Variants in TMEM154 observed in about 807,000 individuals in gnomAD.
The protein encoded by TMEM154 is transmembrane protein 154.
A neutral mutation model predicts 24.5 loss-of-function variants in TMEM154; 27 were observed. That is an observed-to-expected ratio of 1.10 (90% CI 0.81 to 1.52). The LOEUF is 1.52. Among genes scored for constraint, TMEM154 ranks in the 40% most tolerant of loss-of-function variants. The pLI is 0.00. For synonymous variants in TMEM154, 67 were observed against 76.8 expected (o/e 0.87, Z 0.67); for missense variants, 228 against 213.4 (o/e 1.07, Z -0.43).
intron 3 of TMEM154, among the ~76,000 whole-genome samples, chr4:152,644,948 C>T (rs1052885497): frequency 6.6e-6 from 1 of 152,196 alleles, no homozygotes; most frequent in Non-Finnish European, 1.5e-5. Context: ...CTTGGCATGG[C>T]TGGATCCCTC....
intron 3 of TMEM154, chr4:152,646,885 T>G (rs758759490): frequency 1.4e-6 from 1 of 698,554 alleles, no homozygotes; most frequent in Non-Finnish European, 2.6e-6. Context: ...CCAGGCATCA[T>G]GTAGCCACAG....
intron 6 of TMEM154, among the ~76,000 whole-genome samples, chr4:152,629,059 C>T (rs190650524): frequency 2.2e-4 from 33 of 152,254 alleles, no homozygotes; most frequent in Admixed American, 6.5e-4. Context: ...ATTTCTGAAA[C>T]GAAGGTCAGT....
chr4:152,678,621 G>A (rs2149792826), intron 1 of TMEM154, among the ~76,000 whole-genome samples: 1 of 152,268 alleles, frequency 6.6e-6, no homozygotes, highest in East Asian at 1.9e-4. Flanking sequence ...GCAAGACCCA[G>A]ACATCTCCCT....
At chr4:152,640,280 C>T (rs1034882367) in intron 6 of TMEM154, among the ~76,000 whole-genome samples, 1 of 152,178 alleles carries the variant, frequency 6.6e-6, no homozygotes, top group Non-Finnish European at 1.5e-5. Flanking sequence ...CTCTGCAGAG[C>T]CAGTCCCCAA....
rs1464320112 is a variant in TMEM154, at chr4:152,622,677, A to G, written c.*5869T>C. The stretch of plus-strand genomic sequence containing the variant: ...GGAGTTGAGAATAATTTATATATAC[A>G]TATGTATACTGACATTTATAAAATT... On this transcript the variant is annotated 3_prime_UTR_variant, in exon 7 of 7. Coordinates refer to ENST00000304385, the MANE Select transcript of TMEM154 (RefSeq NM_152680.3). 1 of 152,178 alleles carries G rather than the reference A, an allele frequency of 6.6e-6. No individual in the cohort carries two copies. Among genetic ancestry groups the G allele is most frequent in the Non-Finnish European group, 1.5e-5 (1 of 68,028 alleles). 9.4% of individuals were successfully genotyped at this position (152,178 alleles called of 1,614,324 possible).
chr4:152,654,763 C>A (rs1295298557), intron 1 of TMEM154, among the ~76,000 whole-genome samples: 3 of 152,208 alleles, frequency 2.0e-5, no homozygotes, highest in African/African-American at 7.2e-5. Context: ...CACCTTTGAT[C>A]TTGAACTTCC....
chr4:152,655,610 C>T (rs1294040669), intron 1 of TMEM154, among the ~76,000 whole-genome samples: 1 of 151,958 alleles, frequency 6.6e-6, no homozygotes, highest in Non-Finnish European at 1.5e-5. Context: ...AGGTAGGAGC[C>T]GCTGGCAGCA....
At position 152,640,982 on chromosome 4, in the gene TMEM154, T is replaced by A; in HGVS notation, c.482A>T (p.Asp161Val). Residue 161 changes from aspartate to valine, a missense_variant, in exon 6 of 7, where the codon GAC (aspartate) becomes GTC (valine). Transcript: ENST00000304385. ...KWMNSMNRNADFECLPTLKEE... is the reference protein window; with the variant it reads ...KWMNSMNRNAVFECLPTLKEE... The stretch of plus-strand genomic sequence containing the variant: ...CTTCAAGGTAGGTAAACATTCAAAG[T>A]CGGCTAGGACAGAATAAAAGCAAAC... The A allele has an allele frequency of 4.3e-6, 7 of 1,610,740 alleles. No homozygotes were observed. Among genetic ancestry groups the A allele is most frequent in the Non-Finnish European group, 5.9e-6 (7 of 1,178,776 alleles).
intron 6 of TMEM154, 51 bp downstream of exon 6, chr4:152,640,877 C>A (rs2149780339): frequency 6.6e-5 from 57 of 859,924 alleles, no homozygotes; most frequent in Non-Finnish European, 9.0e-5. Context: ...GGTTCCCAAT[C>A]CCCCCGCCCC....
intron 1 of TMEM154, among the ~76,000 whole-genome samples, chr4:152,660,047 G>A (rs945492436): frequency 2.6e-5 from 4 of 152,128 alleles, no homozygotes; most frequent in Non-Finnish European, 5.9e-5. Flanking sequence ...GTGGATAAGG[G>A]GGGACTACTG....
chr4:152,670,134 G>A (rs1728796666), intron 1 of TMEM154: 1 of 152,128 alleles, frequency 6.6e-6, no homozygotes, highest in Non-Finnish European at 1.5e-5. Flanking sequence ...GCCACTTATT[G>A]TGTATTTTTC....
At chr4:152,643,407 C>T (rs528966665) in intron 4 of TMEM154, among the ~76,000 whole-genome samples, 1 of 152,314 alleles carries the variant, frequency 6.6e-6, no homozygotes, top group Non-Finnish European at 1.5e-5. Context: ...TGCCCACAGG[C>T]CCAACAAGTG....
chr4:152,661,505 T>C (rs1728612226), intron 1 of TMEM154, among the ~76,000 whole-genome samples: 1 of 152,198 alleles, frequency 6.6e-6, no homozygotes, highest in Non-Finnish European at 1.5e-5. Flanking sequence ...CTTGAATGTC[T>C]TGCCCTTGCC....
intron 1 of TMEM154, among the ~76,000 whole-genome samples, chr4:152,677,486 C>T (rs1393529186): frequency 6.6e-6 from 1 of 152,220 alleles, no homozygotes; most frequent in African/African-American, 2.4e-5. Flanking sequence ...GAAAGTAACT[C>T]ATATCCTGAA....
At chr4:152,666,116 T>C (rs1303934697) in intron 1 of TMEM154, among the ~76,000 whole-genome samples, 1 of 151,442 alleles carries the variant, frequency 6.6e-6, no homozygotes, top group African/African-American at 2.4e-5. Context: ...AGTAATCAGG[T>C]TGTGCTGATG....
intron 3 of TMEM154, among the ~76,000 whole-genome samples, chr4:152,650,645 C>T (rs1728359904): frequency 6.6e-6 from 1 of 152,180 alleles, no homozygotes; most frequent in South Asian, 2.1e-4. Flanking sequence ...TTAATGGCAT[C>T]TAGAATGGTG....
At chr4:152,669,802 G>GA (rs529457038) in intron 1 of TMEM154, 4 of 152,150 alleles carry the variant, frequency 2.6e-5, no homozygotes, top group Admixed American at 6.6e-5. Flanking sequence ...ATGAAACATA[G>GA]AAAAAATTCA....
intron 5 of TMEM154, among the ~76,000 whole-genome samples, chr4:152,641,611 C>A (rs529304472): frequency 6.7e-6 from 1 of 149,984 alleles, no homozygotes; most frequent in Non-Finnish European, 1.5e-5. Flanking sequence ...CGTAATACAA[C>A]AACATAGCAA....
intron 6 of TMEM154, among the ~76,000 whole-genome samples, chr4:152,634,025 C>G (rs1043057284): frequency 3.2e-5 from 4 of 125,712 alleles, no homozygotes; most frequent in African/African-American, 1.3e-4. Flanking sequence ...GAGTGAGACC[C>G]CATCTCAAAA....
Sources: allele counts gnomAD v4.1 joint callset (sites outside exome capture counted in the v4.1 genomes callset), GRCh38; gene constraint gnomAD v4.1.1; transcripts MANE v1.5; gene names NCBI Gene and HGNC (gene_info 2026-07-23, HGNC 2026-07-21).